Variants in ANO4 observed in about 807,000 individuals in gnomAD.
ANO4 encodes anoctamin 4, also known as anoctamin-4.
Under a neutral mutation model 141.9 loss-of-function variants are expected in ANO4, and 69 were observed. That is an observed-to-expected ratio of 0.49 (90% CI 0.40 to 0.59). The LOEUF is 0.59. ANO4 is among the 20% of genes least tolerant of loss of function. The pLI is 0.00. For missense variants in ANO4, 894 were observed against 1,162.2 expected, an observed-to-expected ratio of 0.77 and a Z score of 3.36; for synonymous variants, 350 against 394.3, an observed-to-expected ratio of 0.89 and a Z score of 1.33.
At chr12:100,813,787 A>G (rs558636332) in intron 1 of ANO4, among the ~76,000 whole-genome samples, 9 of 152,298 alleles carry the variant, frequency 5.9e-5, no homozygotes, top group African/African-American at 1.9e-4. Flanking sequence ...TAAAACCTCA[A>G]TGTTTATGTA....
intron 1 of ANO4, among the ~76,000 whole-genome samples, chr12:100,893,860 A>G (rs1284065080): frequency 6.6e-6 from 1 of 152,132 alleles, no homozygotes; most frequent in African/African-American, 2.4e-5. Flanking sequence ...AACAGGAAAG[A>G]AAGAAGTTAC....
upstream of ANO4, among the ~76,000 whole-genome samples, chr12:100,794,229 C>T (rs1260633994): frequency 6.6e-6 from 1 of 152,106 alleles, no homozygotes. Flanking sequence ...AAGCTTAGGT[C>T]CAAAGCGCCA....
chr12:101,008,016 A>C lies in ANO4; in HGVS notation c.735-12018A>C, dbSNP rs192795107. 1.7e-4 allele frequency among the ~76,000 whole-genome samples: 26 copies of C among 152,356 alleles called. No homozygotes were observed. The East Asian group carries it at 5.0e-3, about 29-fold the overall frequency. ...TCAAGCTGGAACATCAGTATTTGTCAGTCTAATCTAGTGCATAAAATACTG... is the reference window on the plus strand; with the variant it reads ...TCAAGCTGGAACATCAGTATTTGTCCGTCTAATCTAGTGCATAAAATACTG... On this transcript the variant is annotated intron_variant, in intron 8 of 27. Coordinates refer to ENST00000392977, the MANE Select transcript of ANO4 (RefSeq NM_001286615.2).
rs187175465 is a variant in ANO4 at position 100,751,428 on chromosome 12, A to C, written c.358+11323A>C. On this transcript the variant is annotated intron_variant, in intron 3 of 29. Coordinates refer to the ANO4 transcript ENST00000644049. Reference sequence around the variant, plus strand: ...TCTGGTTCAGTTTGTAGTTCTCTCCAGCAAAGAGGCACCTAACAGATTGGG... The same window carrying C: ...TCTGGTTCAGTTTGTAGTTCTCTCCCGCAAAGAGGCACCTAACAGATTGGG... Among the ~76,000 whole-genome samples the C allele has an allele frequency of 2.1e-3, 320 of 152,280 alleles. 2 individuals carry two copies. Among genetic ancestry groups the C allele is most frequent in the African/African-American group, 7.4e-3 (309 of 41,560 alleles).
intron 10 of ANO4, among the ~76,000 whole-genome samples, chr12:101,039,502 C>A (rs2047331592): frequency 6.6e-6 from 1 of 152,056 alleles, no homozygotes; most frequent in African/African-American, 2.4e-5. Flanking sequence ...GAAACCCAGT[C>A]TCAAAAAATA....
At chr12:100,750,163 C>G (rs10459199) in intron 3 of ANO4, among the ~76,000 whole-genome samples, 34,560 of 150,786 alleles carry the variant, frequency 0.23, 4,345 homozygotes, top group East Asian at 0.47. Context: ...TTTAGACAGT[C>G]TCACTCCATC....
chr12:101,102,110 A>T (rs528001927), intron 22 of ANO4, among the ~76,000 whole-genome samples: 5 of 152,290 alleles, frequency 3.3e-5, no homozygotes, highest in African/African-American at 1.2e-4. Flanking sequence ...ACTATTATTT[A>T]TCCATCCATT....
chr12:100,961,621 T>G (rs1029165170), intron 5 of ANO4, among the ~76,000 whole-genome samples: 1 of 152,262 alleles, frequency 6.6e-6, no homozygotes, highest in African/African-American at 2.4e-5. Flanking sequence ...CAGATGAATT[T>G]AATAATAGTT....
intron 1 of ANO4, among the ~76,000 whole-genome samples, chr12:100,878,959 C>T (rs1248068814): frequency 1.3e-5 from 2 of 152,142 alleles, no homozygotes; most frequent in South Asian, 2.1e-4. Flanking sequence ...AAGTAACCAA[C>T]CCCTGGGAAG....
chr12:101,127,198 C>CTTTTGGATTGGGAAGCTT, intron 27 of ANO4, 124 bp downstream of exon 27: 1 of 1,030,670 alleles, frequency 9.7e-7, no homozygotes, highest in Non-Finnish European at 1.4e-6. Flanking sequence ...TTAGAAGCTT[C>CTTTTGGATTGGGAAGCTT]CCAATCCAAA....
intron 3 of ANO4, among the ~76,000 whole-genome samples, chr12:100,782,171 C>A (rs888189008): frequency 2.0e-5 from 3 of 152,210 alleles, no homozygotes; most frequent in African/African-American, 7.2e-5. Flanking sequence ...GATCTCCACT[C>A]TTCACTATTT....
chr12:101,064,305 C>A (rs866207686), intron 14 of ANO4, among the ~76,000 whole-genome samples: 9 of 152,236 alleles, frequency 5.9e-5, no homozygotes, highest in African/African-American at 9.6e-5. Context: ...TTACCAAATG[C>A]TTGGGAGATT....
At chr12:100,832,531 A>T (rs2036685730) in intron 1 of ANO4, among the ~76,000 whole-genome samples, 1 of 152,258 alleles carries the variant, frequency 6.6e-6, no homozygotes, top group South Asian at 2.1e-4. Context: ...CTCAGGAGTC[A>T]TTCTGGTTTC....
chr12:100,762,934 A>G (rs1422563715), intron 3 of ANO4, among the ~76,000 whole-genome samples: 1 of 152,206 alleles, frequency 6.6e-6, no homozygotes, highest in Non-Finnish European at 1.5e-5. Flanking sequence ...TGAATCATTT[A>G]TTCCACTGAG....
At chr12:100,857,915 A>T (rs2038266217) in intron 1 of ANO4, among the ~76,000 whole-genome samples, 1 of 152,212 alleles carries the variant, frequency 6.6e-6, no homozygotes, top group East Asian at 1.9e-4. Flanking sequence ...ATAATATTCA[A>T]ACCTCATTTG....
At chr12:101,012,470 AC>A (rs2046136509) in intron 8 of ANO4, among the ~76,000 whole-genome samples, 2 of 152,200 alleles carry the variant, frequency 1.3e-5, no homozygotes, top group African/African-American at 4.8e-5. Flanking sequence ...TTGGGAAGAA[AC>A]AAGTTGTGCA....
chr12:100,908,520 A>C (rs1300969441), intron 2 of ANO4, among the ~76,000 whole-genome samples: 1 of 152,044 alleles, frequency 6.6e-6, no homozygotes, highest in Non-Finnish European at 1.5e-5. Flanking sequence ...TTACAATTAG[A>C]AACTTGTTAT....
At chr12:101,041,489 C>G (rs1313021900) in intron 11 of ANO4, among the ~76,000 whole-genome samples, 2 of 152,112 alleles carry the variant, frequency 1.3e-5, no homozygotes, top group African/African-American at 4.8e-5. Flanking sequence ...TTGCTGTAGG[C>G]AGCACATTTC....
At chr12:100,988,207 A>G (rs1005789970) in intron 8 of ANO4, among the ~76,000 whole-genome samples, 1 of 152,152 alleles carries the variant, frequency 6.6e-6, no homozygotes, top group Non-Finnish European at 1.5e-5. Context: ...CAGAATGGTT[A>G]TTTGTCACTT....
Sources: allele counts gnomAD v4.1 joint callset (sites outside exome capture counted in the v4.1 genomes callset), GRCh38; gene constraint gnomAD v4.1.1; transcripts MANE v1.5; gene names NCBI Gene and HGNC (gene_info 2026-07-23, HGNC 2026-07-21).